The following GALNT7 variants were observed in gnomAD, a reference collection of about 807,000 sequenced individuals.
GALNT7 encodes N-acetylgalactosaminyltransferase 7.
Under a neutral mutation model 82.1 loss-of-function variants are expected in GALNT7, and 60 were observed. That is an observed-to-expected ratio of 0.73 (90% CI 0.59 to 0.91). The LOEUF (loss-of-function observed/expected upper bound fraction) is 0.91, where lower values mean the gene tolerates loss of function less well. Ranked by LOEUF, GALNT7 falls within the 40% of genes least tolerant of loss-of-function variation. The pLI is 0.00. For missense variants in GALNT7, 660 were observed against 804.2 expected, an observed-to-expected ratio of 0.82 and a Z score of 2.17; for synonymous variants, 243 against 275.1, an observed-to-expected ratio of 0.88 and a Z score of 1.15.
intron 1 of GALNT7, among the ~76,000 whole-genome samples, chr4:173,189,029 C>A (rs751928273): frequency 1.3e-5 from 2 of 152,192 alleles, no homozygotes; most frequent in Non-Finnish European, 2.9e-5. Context: ...CTCTTCGTCT[C>A]CCTGGTCTTG....
At chr4:173,191,704 C>A (rs944079584) in intron 1 of GALNT7, among the ~76,000 whole-genome samples, 3 of 152,180 alleles carry the variant, frequency 2.0e-5, no homozygotes, top group African/African-American at 7.2e-5. Context: ...ATACCAAAGT[C>A]ACTTTTACGT....
At chr4:173,185,758 AG>A (rs1732443742) in intron 1 of GALNT7, among the ~76,000 whole-genome samples, 1 of 152,148 alleles carries the variant, frequency 6.6e-6, no homozygotes, top group South Asian at 2.1e-4. Context: ...TATACATCTT[AG>A]AGTCTGCAGT....
intron 1 of GALNT7, among the ~76,000 whole-genome samples, chr4:173,182,802 G>A (rs914477151): frequency 1.6e-5 from 2 of 128,560 alleles, no homozygotes; most frequent in Non-Finnish European, 3.2e-5. Context: ...GATGAGGCTA[G>A]TAGGTTACTC....
chr4:173,321,804 T>C lies in GALNT7; in HGVS notation c.*87T>C. On this transcript the variant is annotated 3_prime_UTR_variant, in exon 12 of 12. Transcript: ENST00000265000. ...CGCCTGAAACCTGCTGCAACTATTG[T>C]TATTAACTCTGTATAGCTCCAAACC... is the stretch of plus-strand genomic sequence containing the variant. 2 of 849,530 alleles carry C rather than the reference T, an allele frequency of 2.4e-6. No homozygotes were observed. The highest frequency in any genetic ancestry group is 3.8e-6 in the Non-Finnish European group (2 of 521,908). 52.6% of individuals were successfully genotyped at this position (849,530 alleles called of 1,614,324 possible).
intron 1 of GALNT7, among the ~76,000 whole-genome samples, chr4:173,240,602 C>A (rs1255128852): frequency 1.3e-5 from 2 of 152,212 alleles, no homozygotes; most frequent in East Asian, 3.9e-4. Context: ...CTCCAGACCT[C>A]AGGTGATCTG....
At chr4:173,313,069 A>T (rs561977952) in intron 8 of GALNT7, among the ~76,000 whole-genome samples, 179 of 151,288 alleles carry the variant, frequency 1.2e-3, no homozygotes, top group South Asian at 1.7e-3. Context: ...AAAAATATAT[A>T]TTTTTTTTAA....
intron 1 of GALNT7, among the ~76,000 whole-genome samples, chr4:173,179,127 G>A (rs1352041692): frequency 1.3e-5 from 2 of 152,138 alleles, no homozygotes; most frequent in Non-Finnish European, 2.9e-5. Context: ...TGTATTCACT[G>A]GTAAAGCTAT....
At chr4:173,296,000 C>T (rs1257600558) in intron 5 of GALNT7, among the ~76,000 whole-genome samples, 157 bp downstream of exon 5, 1 of 152,180 alleles carries the variant, frequency 6.6e-6, no homozygotes, top group African/African-American at 2.4e-5. Flanking sequence ...TGGAGCTAGA[C>T]TGATACTGTG....
In GALNT7 at chr4:173,318,579, C is replaced by G. The variant is rs757257994; in HGVS notation, c.1836+20C>G. On this transcript the variant is annotated intron_variant, in intron 11 of 11. Transcript: ENST00000265000. ...TTCAAGGTATTCTGCATTTTAACTT[C>G]TGAAATATTATATGCTTTTCATTTT... 2.1e-6 allele frequency: 3 copies of G among 1,444,564 alleles called. No individual in the cohort carries two copies. Among genetic ancestry groups the G allele is most frequent in the Non-Finnish European group, 2.9e-6 (3 of 1,031,374 alleles). 89.5% of individuals were successfully genotyped at this position (1,444,564 alleles called of 1,614,324 possible). A position where few individuals can be genotyped will look rare whatever the true frequency, so the allele number is the denominator to read the frequency against.
At chr4:173,185,712 G>C (rs2126634981) in intron 1 of GALNT7, among the ~76,000 whole-genome samples, 1 of 152,288 alleles carries the variant, frequency 6.6e-6, no homozygotes, top group East Asian at 1.9e-4. Context: ...GTGCTGCTGG[G>C]AAAGTGTGTT....
rs770201511 is a variant in GALNT7 at position 173,313,940 on chromosome 4, TATA to T, written c.1390-17_1390-15del. Reference sequence around the variant, plus strand: ...GTATTTTTATAACGATATATATATATATATTTTTTTTTTACAGAATTATGTTAG... The same window carrying T: ...GTATTTTTATAACGATATATATATATTTTTTTTTTTACAGAATTATGTTAG... On this transcript the variant is annotated splice_polypyrimidine_tract_variant and intron_variant, in intron 8 of 11. Coordinates refer to ENST00000265000, the MANE Select transcript of GALNT7 (RefSeq NM_017423.3). The T allele has an allele frequency of 1.5e-4, 162 of 1,083,084 alleles. No homozygotes were observed. Among genetic ancestry groups the T allele is most frequent in the Middle Eastern group, 2.1e-4 (1 of 4,666 alleles). 67.1% of individuals were successfully genotyped at this position (1,083,084 alleles called of 1,614,324 possible).
In GALNT7 at chr4:173,237,974, CT is replaced by C. The variant is rs1246276546; in HGVS notation, c.127-10002del. ...GTGACCTCATTTTCAATCAGTTCAG[CT>C]TTTAAGCCATTCCCCTTTCTCCACC... On this transcript the variant is annotated intron_variant, in intron 1 of 11. Transcript: ENST00000265000. Among the ~76,000 whole-genome samples the C allele has an allele frequency of 3.9e-5, 6 of 152,228 alleles. No individual in the cohort carries two copies. The South Asian group carries it at 8.3e-4, about 21-fold the overall frequency.
intron 5 of GALNT7, among the ~76,000 whole-genome samples, chr4:173,296,756 G>A (rs1038223357): frequency 6.6e-6 from 1 of 152,204 alleles, no homozygotes; most frequent in Admixed American, 6.5e-5. Flanking sequence ...CTGACCAAGT[G>A]TCAGGTAACT....
intron 1 of GALNT7, among the ~76,000 whole-genome samples, chr4:173,179,296 T>A (rs995490195): frequency 2.0e-5 from 3 of 152,228 alleles, no homozygotes; most frequent in African/African-American, 7.2e-5. Flanking sequence ...AGCATTTTTA[T>A]TTATTAAACT....
chr4:173,317,833 TTTTG>T (rs768271286), intron 10 of GALNT7, 101 bp downstream of exon 10: 61 of 717,548 alleles, frequency 8.5e-5, no homozygotes, highest in Non-Finnish European at 1.4e-4. Flanking sequence ...GATTTGGTAA[TTTTG>T]TTTGTTTTGA....
At chr4:173,184,489 T>C (rs1288255391) in intron 1 of GALNT7, among the ~76,000 whole-genome samples, 2 of 150,970 alleles carry the variant, frequency 1.3e-5, no homozygotes, top group Non-Finnish European at 2.9e-5. Context: ...TCCCAGGCAC[T>C]CGGCAGGCTG....
intron 1 of GALNT7, among the ~76,000 whole-genome samples, chr4:173,216,951 G>A (rs1733491283): frequency 6.6e-6 from 1 of 151,156 alleles, no homozygotes; most frequent in Non-Finnish European, 1.5e-5. Context: ...GGCTGATCTT[G>A]AACTCCTGAC....
At chr4:173,319,204 T>C (rs996908265) in intron 11 of GALNT7, among the ~76,000 whole-genome samples, 3 of 152,100 alleles carry the variant, frequency 2.0e-5, no homozygotes, top group African/African-American at 7.2e-5. Context: ...ATGTATAGTT[T>C]TCAAATTCTA....
At chr4:173,242,588 C>G (rs1734473896) in intron 1 of GALNT7, among the ~76,000 whole-genome samples, 1 of 152,222 alleles carries the variant, frequency 6.6e-6, no homozygotes, top group Admixed American at 6.5e-5. Flanking sequence ...GGCTGCAGCT[C>G]CCAATGCAGT....
Sources: allele counts gnomAD v4.1 joint callset (sites outside exome capture counted in the v4.1 genomes callset), GRCh38; gene constraint gnomAD v4.1.1; transcripts MANE v1.5; gene names NCBI Gene and HGNC (gene_info 2026-07-23, HGNC 2026-07-21).